The following ENPP3 variants were observed in gnomAD, a reference collection of about 807,000 sequenced individuals.
ENPP3 encodes the protein ectonucleotide pyrophosphatase/phosphodiesterase 3, also known as ectonucleotide pyrophosphatase/phosphodiesterase family member 3.
Under a neutral mutation model 117.8 loss-of-function variants are expected in ENPP3, and 104 were observed. The ratio of observed to expected loss-of-function variants is 0.88; its 90% CI spans 0.75 to 1.04. The LOEUF (loss-of-function observed/expected upper bound fraction) is 1.04, where lower values mean the gene tolerates loss of function less well. Among genes scored for constraint, ENPP3 ranks in the 50% least tolerant of loss-of-function variants. The probability of loss-of-function intolerance (pLI) is 0.00; values close to 1 mark genes in which losing one functional copy is unlikely to be tolerated. For missense variants in ENPP3, 1,026 were observed against 1,051.9 expected, an observed-to-expected ratio of 0.98 and a Z score of 0.34; for synonymous variants, 380 against 349.9, an observed-to-expected ratio of 1.09 and a Z score of -0.96.
At chr6:131,738,798 A>G (rs994657840) in intron 23 of ENPP3, among the ~76,000 whole-genome samples, 2 of 152,146 alleles carry the variant, frequency 1.3e-5, no homozygotes, top group Non-Finnish European at 2.9e-5. Flanking sequence ...GAAGGACCAA[A>G]CTAAACAATT....
chr6:131,643,923 C>CTG (rs754599772), intron 2 of ENPP3, among the ~76,000 whole-genome samples: 3,983 of 142,270 alleles, frequency 0.028, 90 homozygotes, highest in African/African-American at 0.066. Flanking sequence ...TCAGGGTCGT[C>CTG]TGTGTGTGTG....
intron 15 of ENPP3, among the ~76,000 whole-genome samples, chr6:131,701,606 T>C (rs1342842877): frequency 5.9e-4 from 87 of 148,496 alleles, no homozygotes; most frequent in African/African-American, 2.1e-3. Context: ...GCAGGCCGGG[T>C]GCGGTAGCTC....
intron 12 of ENPP3, among the ~76,000 whole-genome samples, chr6:131,684,911 A>G (rs1370373566): frequency 1.3e-5 from 2 of 151,790 alleles, no homozygotes; most frequent in Admixed American, 1.3e-4. Flanking sequence ...TAGCCTCTCG[A>G]GTAAATGGGA....
At chr6:131,714,168 C>A (rs557448581) in intron 15 of ENPP3, among the ~76,000 whole-genome samples, 4 of 152,006 alleles carry the variant, frequency 2.6e-5, no homozygotes, top group South Asian at 4.2e-4. Context: ...ATGGTTTCTA[C>A]TGAATGAATA....
chr6:131,738,050 C>T lies in ENPP3; in HGVS notation c.2187C>T (p.His729=), dbSNP rs1276481595. Residue 729 remains histidine (H), a synonymous_variant, in exon 23 of 25, where the codon CAC becomes CAT. Transcript: ENST00000357639. The part of the protein sequence containing the change: ...EEFRKMWDYF[H]SVLLIKHATE... ...TTTTAGAAATGTGGGACTACTTCCACAGTGTTCTTCTTATAAAACATGCCA... is the reference window on the plus strand; with the variant it reads ...TTTTAGAAATGTGGGACTACTTCCATAGTGTTCTTCTTATAAAACATGCCA... 1 of 1,599,896 alleles carries T rather than the reference C, an allele frequency of 6.3e-7. No individual in the cohort carries two copies. The highest frequency in any genetic ancestry group is 8.5e-7 in the Non-Finnish European group (1 of 1,171,952).
At chr6:131,705,945 C>T (rs1320188025) in intron 15 of ENPP3, among the ~76,000 whole-genome samples, 1 of 137,094 alleles carries the variant, frequency 7.3e-6, no homozygotes, top group South Asian at 2.3e-4. Context: ...AACAATCCTA[C>T]TGCACTCCCA....
At chr6:131,660,250 G>T (rs1353872356) in intron 6 of ENPP3, among the ~76,000 whole-genome samples, 7 of 152,184 alleles carry the variant, frequency 4.6e-5, no homozygotes, top group African/African-American at 1.7e-4. Flanking sequence ...TGAGGTATGT[G>T]ACAGCAGGCC....
intron 15 of ENPP3, among the ~76,000 whole-genome samples, chr6:131,708,463 T>A (rs1779691309): frequency 6.6e-6 from 1 of 152,294 alleles, no homozygotes; most frequent in Non-Finnish European, 1.5e-5. Flanking sequence ...CCATCTTTAT[T>A]TACAAAATAC....
chr6:131,666,470 G>A (rs143124150), intron 6 of ENPP3, among the ~76,000 whole-genome samples: 224 of 151,852 alleles, frequency 1.5e-3, no homozygotes, highest in Middle Eastern at 3.4e-3. Flanking sequence ...TTTCTTCTCC[G>A]GAAAACCCCA....
intron 15 of ENPP3, among the ~76,000 whole-genome samples, chr6:131,697,108 G>A (rs1028255944): frequency 6.6e-6 from 1 of 152,152 alleles, no homozygotes; most frequent in Non-Finnish European, 1.5e-5. Context: ...GGGCAAGGAA[G>A]GGTAAAGAGA....
intron 23 of ENPP3, among the ~76,000 whole-genome samples, chr6:131,739,221 A>G (rs531575110): frequency 2.6e-5 from 4 of 152,322 alleles, no homozygotes; most frequent in Admixed American, 2.6e-4. Context: ...AAATCACAGT[A>G]ATACATTTCT....
chr6:131,691,288 G>C (rs1420854257), intron 14 of ENPP3, among the ~76,000 whole-genome samples: 1 of 151,974 alleles, frequency 6.6e-6, no homozygotes, highest in Middle Eastern at 3.2e-3. Context: ...TATTTATTCT[G>C]AGATAAAATG....
At chr6:131,669,701 A>AT (rs112515446) in intron 6 of ENPP3, among the ~76,000 whole-genome samples, 2 of 145,620 alleles carry the variant, frequency 1.4e-5, no homozygotes, top group Admixed American at 7.0e-5. Flanking sequence ...GGAAAAGTAG[A>AT]TTTTTTTTGA....
intron 11 of ENPP3, among the ~76,000 whole-genome samples, chr6:131,682,510 A>C (rs1779044456): frequency 6.6e-6 from 1 of 152,106 alleles, no homozygotes; most frequent in African/African-American, 2.4e-5. Flanking sequence ...TAAATAAATA[A>C]ATAAATTATT....
chr6:131,687,213 C>CT (rs1357330553), intron 14 of ENPP3, among the ~76,000 whole-genome samples: 3 of 152,126 alleles, frequency 2.0e-5, no homozygotes, highest in Non-Finnish European at 4.4e-5. Context: ...GCCATTCTGA[C>CT]TAGTGTGAGA....
intron 6 of ENPP3, among the ~76,000 whole-genome samples, chr6:131,662,769 G>T (rs2114349369): frequency 1.3e-5 from 2 of 152,236 alleles, no homozygotes; most frequent in South Asian, 4.1e-4. Flanking sequence ...TCTATAGATT[G>T]TTTTGGGTAA....
At chr6:131,690,909 T>G (rs940936495) in intron 14 of ENPP3, among the ~76,000 whole-genome samples, 1 of 152,034 alleles carries the variant, frequency 6.6e-6, no homozygotes, top group Admixed American at 6.6e-5. Flanking sequence ...ACATGTGGAC[T>G]CTCTAAATCC....
intron 2 of ENPP3, among the ~76,000 whole-genome samples, chr6:131,648,512 A>G (rs1778195397): frequency 6.6e-6 from 1 of 152,114 alleles, no homozygotes; most frequent in Non-Finnish European, 1.5e-5. Flanking sequence ...TTTATTATAT[A>G]AAGTCTCTAC....
intron 24 of ENPP3, among the ~76,000 whole-genome samples, chr6:131,741,578 G>C (rs1291482477): frequency 6.6e-6 from 1 of 152,154 alleles, no homozygotes; most frequent in African/African-American, 2.4e-5. Context: ...AGACTACAAA[G>C]AGTCTTCCAT....
Sources: gnomAD v4.1 joint callset for allele counts (sites outside exome capture counted in the v4.1 genomes callset) on GRCh38, gnomAD v4.1.1 for gene constraint, MANE v1.5 for transcripts, NCBI Gene and HGNC (gene_info 2026-07-23, HGNC 2026-07-21) for gene names.